FAM184A: variants seen among roughly 807,000 people sequenced by gnomAD.
The protein encoded by FAM184A is protein FAM184A.
In FAM184A, 99 loss-of-function variants were observed where a neutral mutation model predicts 143.8. The observed-to-expected ratio is 0.69, with a 90% CI of 0.58 to 0.81. The LOEUF is 0.81. FAM184A is among the 40% of genes least tolerant of loss of function. FAM184A has a pLI of 0.00. For synonymous variants in FAM184A, 427 were observed against 446.4 expected (o/e 0.96, Z 0.55); for missense variants, 1,217 against 1,310.5 (o/e 0.93, Z 1.10).
At chr6:119,143,906 A>C (rs1772329962) in intron 1 of FAM184A, among the ~76,000 whole-genome samples, 1 of 152,160 alleles carries the variant, frequency 6.6e-6, no homozygotes, top group Admixed American at 6.5e-5. Context: ...TAAGATGGTA[A>C]ATTTTATATG....
intron 9 of FAM184A, among the ~76,000 whole-genome samples, chr6:119,000,263 T>C (rs1046485077): frequency 3.3e-5 from 5 of 152,238 alleles, no homozygotes; most frequent in South Asian, 2.1e-4. Context: ...GAAAACTCTA[T>C]ATAATCACTT....
At position 119,089,210 on chromosome 6, in the gene FAM184A, T is replaced by TTTATTTATTTATTTA. The variant is rs1182578500; in HGVS notation, c.-202+59867_-202+59868insTAAATAAATAAATAA. Among the ~76,000 whole-genome samples, 672 of 126,834 alleles carry TTTATTTATTTATTTA rather than the reference T, an allele frequency of 5.3e-3. 4 individuals carry two copies. The highest frequency in any genetic ancestry group is 0.022 in the South Asian group (85 of 3,836). The allele number at this position is 126,834 out of a possible 152,430, so 83.2% of individuals were successfully genotyped here. ...TCTTTATTTATTTATTTATTTATTT[T>TTTATTTATTTATTTA]TTTATTTTTTTGAGACAGAGTCTCA... is the stretch of plus-strand genomic sequence containing the variant. On this transcript the variant is annotated intron_variant, in intron 1 of 16. Transcript: ENST00000352896.
chr6:119,142,418 C>T (rs1772276598), intron 1 of FAM184A, among the ~76,000 whole-genome samples: 1 of 152,156 alleles, frequency 6.6e-6, no homozygotes, highest in African/African-American at 2.4e-5. Flanking sequence ...GTTTCTAAAA[C>T]CAGGCTTGAT....
At chr6:119,130,941 C>G (rs1480001593) in intron 1 of FAM184A, among the ~76,000 whole-genome samples, 1 of 150,644 alleles carries the variant, frequency 6.6e-6, no homozygotes, top group African/African-American at 2.4e-5. Context: ...ACTGCAACCT[C>G]TGCCTCCCGG....
At chr6:119,133,194 A>G (rs1045228187) in intron 1 of FAM184A, among the ~76,000 whole-genome samples, 11 of 152,212 alleles carry the variant, frequency 7.2e-5, no homozygotes, top group African/African-American at 2.7e-4. Context: ...TGTTTGGTGC[A>G]TAAGTTCTAC....
At chr6:119,051,002 G>A (rs6931558) in intron 1 of FAM184A, among the ~76,000 whole-genome samples, 101,068 of 151,980 alleles carry the variant, frequency 0.67, 35,642 homozygotes, top group South Asian at 0.79. Context: ...AGAGTGGAGG[G>A]TGGGAGGAGG....
At chr6:119,011,205 G>T in intron 6 of FAM184A, 104 bp downstream of exon 6, 2 of 911,170 alleles carry the variant, frequency 2.2e-6, no homozygotes, top group Non-Finnish European at 3.3e-6. Context: ...TTTTATTCTA[G>T]ATATGTTACC....
intron 1 of FAM184A, among the ~76,000 whole-genome samples, chr6:119,142,058 T>A (rs1772256683): frequency 6.6e-6 from 1 of 152,218 alleles, no homozygotes; most frequent in Non-Finnish European, 1.5e-5. Flanking sequence ...GGCACCTGGG[T>A]ATGTCAGCCA....
In FAM184A at chr6:119,050,697, C is replaced by T. The variant is rs190124059; in HGVS notation, c.160-25884G>A. ...GGCGGGCGCTGTAGTCCCAGCTACT[C>T]GGGAGGTTGAGGCAGGAGAATGGCG... On this transcript the variant is annotated intron_variant, in intron 1 of 17. Transcript: ENST00000338891. 1.6e-3 allele frequency among the ~76,000 whole-genome samples: 239 copies of T among 151,506 alleles called. 2 individuals carry two copies. The highest frequency in any genetic ancestry group is 5.2e-3 in the African/African-American group (216 of 41,270).
At chr6:119,044,076 A>T (rs932038842) in intron 1 of FAM184A, among the ~76,000 whole-genome samples, 15 of 152,212 alleles carry the variant, frequency 9.9e-5, no homozygotes, top group Non-Finnish European at 1.8e-4. Flanking sequence ...TTGATTTTTT[A>T]AAATGATCAA....
chr6:118,980,456 A>G, intron 9 of FAM184A, 106 bp from the exon 10 acceptor site: 1 of 778,948 alleles, frequency 1.3e-6, no homozygotes, highest in East Asian at 2.7e-5. Context: ...ATAGTAAAAT[A>G]ACTGCCTTAA....
At chr6:118,965,212 T>G (rs572553723) in intron 15 of FAM184A, among the ~76,000 whole-genome samples, 8,190 of 150,316 alleles carry the variant, frequency 0.054, 288 homozygotes, top group Non-Finnish European at 0.067. Flanking sequence ...TTTGTTTTTT[T>G]TTTTTTTTTG....
chr6:119,141,977 C>T (rs1562166903), intron 1 of FAM184A, among the ~76,000 whole-genome samples: 4 of 152,160 alleles, frequency 2.6e-5, no homozygotes, highest in African/African-American at 9.7e-5. Context: ...AAATAATCAC[C>T]CCTTAATTGT....
chr6:119,138,313 C>T (rs909039539), intron 1 of FAM184A, among the ~76,000 whole-genome samples: 6 of 152,158 alleles, frequency 3.9e-5, no homozygotes, highest in Non-Finnish European at 1.5e-5. Flanking sequence ...GCTGCTATAA[C>T]AAATTACCGC....
In FAM184A at chr6:119,024,114, G is replaced by T. The variant is rs755748008; in HGVS notation, c.859C>A (p.Leu287Ile). ...TCTTGTCCCTGAAATTCTTTTCTAA[G>T]ATCAGCTTCCTTTTCTTTGCTGGCC... ...LQASKEKEADLRKEFQGQEAI... is the reference protein window; with the variant it reads ...LQASKEKEADIRKEFQGQEAI... The change falls in exon 2 of 18, where the codon CTT becomes ATT. Residue 287 changes from leucine to isoleucine, a missense_variant. Transcript: ENST00000338891. 2 of 1,614,128 alleles carry T rather than the reference G, an allele frequency of 1.2e-6. No homozygotes were observed. Among genetic ancestry groups the T allele is most frequent in the Non-Finnish European group, 1.7e-6 (2 of 1,180,040 alleles).
At position 119,022,972 on chromosome 6, in the gene FAM184A, G is replaced by A. The variant is rs781054230; in HGVS notation, c.1123C>T (p.Gln375Ter). The change falls in exon 3 of 18, where the codon CAA (glutamine) becomes TAA (stop). Residue 375 changes from glutamine to a stop codon, truncating the protein, a stop_gained. Coordinates refer to ENST00000338891, the MANE Select transcript of FAM184A (RefSeq NM_024581.6). LOFTEE classifies it high-confidence loss of function. ...LAAARERLQQ[Q>*]ASDLVLKASH... is the part of the protein sequence containing the mutation. ...GCTTTGAGGACAAGATCTGAAGCTT[G>A]CTGTTGTAAACGTTCTCTGGCAGCT... 6.2e-7 allele frequency: 1 copy of A among 1,614,166 alleles called. No homozygotes were observed. The highest frequency in any genetic ancestry group is 8.5e-7 in the Non-Finnish European group (1 of 1,180,030).
intron 9 of FAM184A, among the ~76,000 whole-genome samples, chr6:118,996,379 T>A (rs979386230): frequency 6.6e-6 from 1 of 152,214 alleles, no homozygotes; most frequent in African/African-American, 2.4e-5. Flanking sequence ...AAAATAAGGA[T>A]GATGGACTTG....
intron 1 of FAM184A, among the ~76,000 whole-genome samples, chr6:119,145,023 C>CT (rs1164038045): frequency 2.6e-5 from 4 of 152,232 alleles, no homozygotes; most frequent in Non-Finnish European, 5.9e-5. Flanking sequence ...TCCAGGTCCA[C>CT]TCTCCACCCT....
chr6:118,994,347 A>G (rs1019471150), intron 9 of FAM184A, among the ~76,000 whole-genome samples: 1 of 151,834 alleles, frequency 6.6e-6, no homozygotes. Flanking sequence ...ATAAATAAAT[A>G]AATAAATATG....
Sources: allele counts gnomAD v4.1 joint callset (sites outside exome capture counted in the v4.1 genomes callset), GRCh38; gene constraint gnomAD v4.1.1; transcripts MANE v1.5; gene names NCBI Gene and HGNC (gene_info 2026-07-23, HGNC 2026-07-21).